Variants in STK32B observed in about 807,000 individuals in gnomAD.
STK32B encodes the protein serine/threonine-protein kinase 32B.
STK32B carries 43 observed loss-of-function variants against 52.6 expected under a neutral mutation model. The ratio of observed to expected loss-of-function variants is 0.82; its 90% CI spans 0.64 to 1.05. STK32B has a LOEUF of 1.05. Ranked by LOEUF, STK32B falls within the 50% of genes least tolerant of loss-of-function variation. The pLI, the probability that STK32B is intolerant of heterozygous loss-of-function variation, is 0.00. For synonymous variants in STK32B, 238 were observed against 204.3 expected (o/e 1.17, Z -1.41); for missense variants, 621 against 534.6 (o/e 1.16, Z -1.59).
chr4:5,111,251 T>C (rs12507259), intron 1 of STK32B, among the ~76,000 whole-genome samples: 114,104 of 152,056 alleles, frequency 0.75, 43,681 homozygotes, highest in East Asian at 0.99. Context: ...ACTCAACAAC[T>C]CCACTACTGG....
At chr4:5,356,246 A>G (rs980956362) in intron 4 of STK32B, among the ~76,000 whole-genome samples, 2 of 152,266 alleles carry the variant, frequency 1.3e-5, no homozygotes, top group African/African-American at 4.8e-5. Flanking sequence ...CCATCCTCAC[A>G]TGACCCCATC....
intron 4 of STK32B, among the ~76,000 whole-genome samples, chr4:5,385,287 T>C (rs1454863447): frequency 6.6e-6 from 1 of 151,878 alleles, no homozygotes; most frequent in East Asian, 1.9e-4. Context: ...GAAGAAGGTC[T>C]GGGTGTCAGG....
intron 1 of STK32B, among the ~76,000 whole-genome samples, chr4:5,100,528 T>TCCTTCCTTTCCTCCATTCC: frequency 7.4e-6 from 1 of 135,146 alleles, no homozygotes; most frequent in Non-Finnish European, 1.6e-5. Context: ...TCTTCTCTCT[T>TCCTTCCTTTCCTCCATTCC]TCCTTCCTTC....
At chr4:5,342,669 A>G (rs902008240) in intron 4 of STK32B, among the ~76,000 whole-genome samples, 1 of 152,216 alleles carries the variant, frequency 6.6e-6, no homozygotes, top group African/African-American at 2.4e-5. Context: ...TTACATATCA[A>G]CATGGGATTT....
chr4:5,072,838 A>G (rs1221978491), intron 1 of STK32B, among the ~76,000 whole-genome samples: 1 of 152,022 alleles, frequency 6.6e-6, no homozygotes, highest in Non-Finnish European at 1.5e-5. Context: ...ATGATTGTGA[A>G]TTTTCTATTA....
At chr4:5,314,695 G>A in intron 3 of STK32B, among the ~76,000 whole-genome samples, 1 of 152,090 alleles carries the variant, frequency 6.6e-6, no homozygotes. Flanking sequence ...AATGGATCAT[G>A]GATTGGAGTG....
intron 4 of STK32B, among the ~76,000 whole-genome samples, chr4:5,359,014 G>A (rs1254751155): frequency 1.3e-5 from 2 of 152,180 alleles, no homozygotes; most frequent in African/African-American, 4.8e-5. Context: ...CAGGAAAGGG[G>A]TTGGCAGATT....
chr4:5,256,227 C>T (rs1241744729), intron 3 of STK32B, among the ~76,000 whole-genome samples: 1 of 152,192 alleles, frequency 6.6e-6, no homozygotes, highest in Non-Finnish European at 1.5e-5. Flanking sequence ...ATGGCACTTG[C>T]AGATGTTTCA....
intron 2 of STK32B, among the ~76,000 whole-genome samples, chr4:5,144,820 C>G (rs1238476960): frequency 6.6e-6 from 1 of 151,958 alleles, no homozygotes; most frequent in South Asian, 2.1e-4. Flanking sequence ...ATCCATCCAT[C>G]CATCCATCCA....
chr4:5,386,436 G>T lies in STK32B; in HGVS notation c.435-11771G>T, dbSNP rs1736262391. Among the ~76,000 whole-genome samples the T allele has an allele frequency of 1.3e-5, 2 of 152,102 alleles. No individual in the cohort carries two copies. Among genetic ancestry groups the T allele is most frequent in the African/African-American group, 4.8e-5 (2 of 41,414 alleles). On this transcript the variant is annotated intron_variant, in intron 4 of 11. Coordinates refer to ENST00000282908, the MANE Select transcript of STK32B (RefSeq NM_018401.3). The surrounding 1 kb of genome is among the most constrained non-coding windows in gnomAD (Gnocchi z 4.5). ...AAGCAGGAAAAGGTAATTCTTGATG[G>T]TCCAAGAGCACTGGCCATGGAGAAA... is the stretch of plus-strand genomic sequence containing the variant.
At chr4:5,158,782 C>G (rs754431051) in intron 2 of STK32B, among the ~76,000 whole-genome samples, 1 of 152,086 alleles carries the variant, frequency 6.6e-6, no homozygotes, top group African/African-American at 2.4e-5. Flanking sequence ...GTCTCTGTCC[C>G]GATCCCTCTT....
intron 3 of STK32B, among the ~76,000 whole-genome samples, chr4:5,314,889 G>T (rs1730560291): frequency 6.6e-6 from 1 of 152,054 alleles, no homozygotes; most frequent in African/African-American, 2.4e-5. Flanking sequence ...AACATTGATA[G>T]AAAAAGAGAA....
At position 5,434,454 on chromosome 4, in the gene STK32B, G is replaced by GTATA. The variant is rs5855854; in HGVS notation, c.563-12203_563-12200dup. Reference sequence around the variant, plus strand: ...TGTATGTGTGTGTGTGTGTGTGTGTGTATATATATATATATATATGATTTT... The same window carrying GTATA: ...TGTATGTGTGTGTGTGTGTGTGTGTGTATATATATATATATATATATATGATTTT... On this transcript the variant is annotated intron_variant, in intron 6 of 11. Coordinates refer to ENST00000282908, the MANE Select transcript of STK32B (RefSeq NM_018401.3). Among the ~76,000 whole-genome samples the GTATA allele has an allele frequency of 9.7e-3, 1,277 of 131,204 alleles. 16 individuals carry two copies. The highest frequency in any genetic ancestry group is 0.025 in the South Asian group (99 of 3,914). The allele number at this position is 131,204 out of a possible 152,430, so 86.1% of individuals were successfully genotyped here. A position where few individuals can be genotyped will look rare whatever the true frequency, so the allele number is the denominator to read the frequency against.
At chr4:5,143,132 T>C (rs200770558) in intron 2 of STK32B, among the ~76,000 whole-genome samples, 10 of 129,920 alleles carry the variant, frequency 7.7e-5, no homozygotes, top group Middle Eastern at 4.1e-3. Context: ...TCTGTCTGTC[T>C]ATCTGTCTGT....
At chr4:5,179,789 A>T (rs764086486) in intron 3 of STK32B, among the ~76,000 whole-genome samples, 9 of 152,222 alleles carry the variant, frequency 5.9e-5, no homozygotes, top group African/African-American at 1.9e-4. Context: ...TAACTAAAAC[A>T]TTTAGTCTGA....
chr4:5,308,666 AT>A (rs1348253798), intron 3 of STK32B, among the ~76,000 whole-genome samples: 1 of 152,142 alleles, frequency 6.6e-6, no homozygotes, highest in African/African-American at 2.4e-5. Flanking sequence ...TTACTTAATA[AT>A]GTATCCAGAG....
chr4:5,269,126 C>T (rs1727247491), intron 3 of STK32B, among the ~76,000 whole-genome samples: 2 of 152,068 alleles, frequency 1.3e-5, no homozygotes, highest in Non-Finnish European at 1.5e-5. Context: ...AGAGCATGCA[C>T]AGAGACCTCG....
intron 3 of STK32B, among the ~76,000 whole-genome samples, chr4:5,325,171 C>T (rs922143283): frequency 6.6e-6 from 1 of 152,078 alleles, no homozygotes; most frequent in African/African-American, 2.4e-5. Context: ...GCACATCATG[C>T]AAAAAATTCC....
At chr4:5,430,223 T>G (rs762887940) in intron 6 of STK32B, among the ~76,000 whole-genome samples, 28 of 152,254 alleles carry the variant, frequency 1.8e-4, no homozygotes, top group Admixed American at 3.3e-4. Context: ...AAACCCGAAG[T>G]GAGATGTTTG....
Sources: gnomAD v4.1 joint callset for allele counts (sites outside exome capture counted in the v4.1 genomes callset) on GRCh38, gnomAD v4.1.1 for gene constraint, Gnocchi (gnomAD v3.1) non-coding constraint, MANE v1.5 for transcripts, NCBI Gene and HGNC (gene_info 2026-07-23, HGNC 2026-07-21) for gene names.